Variants in NT5M observed in about 807,000 individuals in gnomAD.
The protein encoded by NT5M is 5'(3')-deoxyribonucleotidase, mitochondrial.
NT5M carries 22 observed loss-of-function variants against 22.2 expected under a neutral mutation model. That is an observed-to-expected ratio of 0.99 (90% confidence interval 0.71 to 1.41). NT5M has a LOEUF of 1.41. NT5M is among the 40% of genes most tolerant of loss of function. The probability of loss-of-function intolerance (pLI) is 0.00; values close to 1 mark genes in which losing one functional copy is unlikely to be tolerated. For synonymous variants in NT5M, 167 were observed against 133.0 expected, an observed-to-expected ratio of 1.26 and a Z score of -1.76; for missense variants, 322 against 314.8, an observed-to-expected ratio of 1.02 and a Z score of -0.17.
At chr17:17,325,941 T>C (rs2049257590) in intron 3 of NT5M, among the ~76,000 whole-genome samples, 1 of 152,242 alleles carries the variant, frequency 6.6e-6, no homozygotes, top group Non-Finnish European at 1.5e-5. Context: ...TTTTCGTCTG[T>C]GGCTTGTTCT....
At chr17:17,326,432 C>T (rs2049267737) in intron 3 of NT5M, among the ~76,000 whole-genome samples, 1 of 152,188 alleles carries the variant, frequency 6.6e-6, no homozygotes, top group African/African-American at 2.4e-5. Flanking sequence ...GTCAGGACCC[C>T]AGTCACAGTA....
chr17:17,308,779 C>A (rs561885934), intron 2 of NT5M, among the ~76,000 whole-genome samples: 2 of 152,340 alleles, frequency 1.3e-5, no homozygotes, highest in South Asian at 2.1e-4. Flanking sequence ...CAGCCCCTGG[C>A]AACCACTAAT....
intron 2 of NT5M, among the ~76,000 whole-genome samples, chr17:17,317,284 G>C (rs11869054): frequency 0.61 from 92,817 of 151,106 alleles, 29,742 homozygotes; most frequent in East Asian, 0.79. Flanking sequence ...CTCCTGACCT[G>C]GTGATCTGCC....
At chr17:17,344,993 T>G in intron 4 of NT5M, 85 bp downstream of exon 4, 1 of 1,570,404 alleles carries the variant, frequency 6.4e-7, no homozygotes, top group Non-Finnish European at 8.7e-7. Context: ...ACTCAGTTGC[T>G]TCCTGCCCCA....
At chr17:17,312,114 A>G (rs1313688335) in intron 2 of NT5M, among the ~76,000 whole-genome samples, 9 of 152,246 alleles carry the variant, frequency 5.9e-5, no homozygotes, top group Admixed American at 4.6e-4. Context: ...ATAAGGAGAA[A>G]GTCCTCAGTA....
chr17:17,333,077 T>C (rs1451755470), intron 3 of NT5M, among the ~76,000 whole-genome samples: 2 of 152,186 alleles, frequency 1.3e-5, no homozygotes, highest in Non-Finnish European at 2.9e-5. Flanking sequence ...TGTCTCATTG[T>C]TGTTTTGATT....
At chr17:17,319,174 A>G (rs879617849) in intron 2 of NT5M, among the ~76,000 whole-genome samples, 79 of 149,468 alleles carry the variant, frequency 5.3e-4, no homozygotes, top group Non-Finnish European at 9.3e-4. Context: ...AGATTGAGCT[A>G]CTGCACTCCA....
chr17:17,309,501 C>T (rs939194834), intron 2 of NT5M, among the ~76,000 whole-genome samples: 6 of 152,138 alleles, frequency 3.9e-5, no homozygotes, highest in Admixed American at 1.3e-4. Context: ...AACTATTTTC[C>T]AAAGCAATTG....
chr17:17,325,102 G>T (rs1030043829), intron 3 of NT5M, among the ~76,000 whole-genome samples: 3 of 152,148 alleles, frequency 2.0e-5, no homozygotes, highest in African/African-American at 7.2e-5. Flanking sequence ...GGTCTGACGA[G>T]CCCGCCAGGT....
chr17:17,310,739 G>C (rs1013278562), intron 2 of NT5M, among the ~76,000 whole-genome samples: 4 of 136,698 alleles, frequency 2.9e-5, no homozygotes, highest in East Asian at 5.1e-4. Context: ...TTGGGAGGCT[G>C]AAGTGGGAGG....
intron 2 of NT5M, among the ~76,000 whole-genome samples, chr17:17,319,434 T>C (rs1320704980): frequency 6.6e-6 from 1 of 152,084 alleles, no homozygotes; most frequent in Admixed American, 6.6e-5. Flanking sequence ...AATAGGTGAA[T>C]ATTAGGATAT....
intron 3 of NT5M, among the ~76,000 whole-genome samples, chr17:17,330,305 A>C (rs1283279394): frequency 6.6e-6 from 1 of 151,784 alleles, no homozygotes; most frequent in Non-Finnish European, 1.5e-5. Flanking sequence ...CTCAAAAAAA[A>C]AAAAACAAAA....
chr17:17,346,975 G>A lies in NT5M; in HGVS notation c.*28G>A, dbSNP rs1328177878. ...TGGACTGTGCTTCGGGCTCCTCTGTGGGGCTCTGACCTCAGGGCTCCCAGC... is the reference window on the plus strand; with the variant it reads ...TGGACTGTGCTTCGGGCTCCTCTGTAGGGCTCTGACCTCAGGGCTCCCAGC... On this transcript the variant is annotated 3_prime_UTR_variant, in exon 5 of 5. Coordinates refer to ENST00000389022, the MANE Select transcript of NT5M (RefSeq NM_020201.4). The A allele has an allele frequency of 6.2e-7, 1 of 1,607,980 alleles. No individual in the cohort carries two copies.
rs1009804378 is a variant in NT5M, at chr17:17,347,233, G to A, written c.*286G>A. On this transcript the variant is annotated 3_prime_UTR_variant, in exon 5 of 5. Coordinates refer to ENST00000389022, the MANE Select transcript of NT5M (RefSeq NM_020201.4). ...CAGAAGCCCAGGGGCTCAGGACAGGGAGGAGTTGAGGCCACTGTTCAGGGG... is the reference window on the plus strand; with the variant it reads ...CAGAAGCCCAGGGGCTCAGGACAGGAAGGAGTTGAGGCCACTGTTCAGGGG... 2.3e-6 allele frequency: 1 copy of A among 443,840 alleles called. No individual in the cohort carries two copies. 27.5% of individuals were successfully genotyped at this position (443,840 alleles called of 1,614,324 possible).
chr17:17,329,761 A>T (rs1050910076), intron 3 of NT5M, among the ~76,000 whole-genome samples: 54 of 151,756 alleles, frequency 3.6e-4, no homozygotes, highest in African/African-American at 1.3e-3. Flanking sequence ...GGATCACTTG[A>T]ACCCAGGAGT....
At chr17:17,309,127 C>CT (rs35861887) in intron 2 of NT5M, among the ~76,000 whole-genome samples, 24,339 of 140,390 alleles carry the variant, frequency 0.17, 2,570 homozygotes, top group African/African-American at 0.3. Context: ...TTCTTTCTTT[C>CT]TTTTTTTTTT....
chr17:17,318,194 C>G (rs745863551), intron 2 of NT5M, among the ~76,000 whole-genome samples: 1 of 150,210 alleles, frequency 6.7e-6, no homozygotes, highest in Non-Finnish European at 1.5e-5. Flanking sequence ...AAAGGAATGA[C>G]TGCCGGGCAT....
intron 2 of NT5M, 49 bp from the exon 3 acceptor site, chr17:17,323,133 GGGT>G: frequency 6.7e-7 from 1 of 1,490,986 alleles, no homozygotes; most frequent in Non-Finnish European, 9.4e-7. Flanking sequence ...GAAGGCCTCG[GGGT>G]GGTGAAGTCA....
At chr17:17,318,225 C>T (rs922899223) in intron 2 of NT5M, among the ~76,000 whole-genome samples, 1 of 152,026 alleles carries the variant, frequency 6.6e-6, no homozygotes. Flanking sequence ...GCCTGTAATC[C>T]CAGCACTTTG....
Sources: allele counts gnomAD v4.1 joint callset (sites outside exome capture counted in the v4.1 genomes callset), GRCh38; gene constraint gnomAD v4.1.1; transcripts MANE v1.5; gene names NCBI Gene and HGNC (gene_info 2026-07-23, HGNC 2026-07-21).